Variants in BCAS3 observed in about 807,000 individuals in gnomAD.
BCAS3 encodes BCAS4/BCAS3 fusion.
In BCAS3, 53 loss-of-function variants were observed where a neutral mutation model predicts 116.1. The observed-to-expected ratio is 0.46, with a 90% CI of 0.37 to 0.57. BCAS3 has a LOEUF of 0.57. BCAS3 is among the 20% of genes least tolerant of loss of function. The pLI is 0.00. For missense variants in BCAS3, 917 were observed against 1,165.4 expected (o/e 0.79, Z 3.10); for synonymous variants, 391 against 408.2 (o/e 0.96, Z 0.51).
At chr17:61,341,462 A>G (rs1406194775) in intron 22 of BCAS3, among the ~76,000 whole-genome samples, 1 of 152,146 alleles carries the variant, frequency 6.6e-6, no homozygotes, top group Admixed American at 6.5e-5. Flanking sequence ...TAACCCTTCA[A>G]GTGGAGAGGC....
intron 22 of BCAS3, among the ~76,000 whole-genome samples, chr17:61,266,352 A>G (rs2049712167): frequency 6.6e-6 from 1 of 152,260 alleles, no homozygotes; most frequent in Admixed American, 6.5e-5. Context: ...ATTAGTGGAC[A>G]GAGAAAACGG....
At chr17:61,049,658 G>C (rs2068656960) in intron 19 of BCAS3, among the ~76,000 whole-genome samples, 1 of 150,516 alleles carries the variant, frequency 6.6e-6, no homozygotes, top group Non-Finnish European at 1.5e-5. Flanking sequence ...CTTAAAAGCA[G>C]CCAGAGGAAA....
At chr17:60,925,998 T>C (rs1049138084) in intron 13 of BCAS3, among the ~76,000 whole-genome samples, 4 of 152,206 alleles carry the variant, frequency 2.6e-5, no homozygotes, top group African/African-American at 9.7e-5. Flanking sequence ...AGTGATTTTG[T>C]GCATGAAACA....
Position 61,188,186 on chromosome 17 carries a change from C to T in BCAS3, c.2425+103622C>T, listed in dbSNP as rs1239699663. 6.6e-6 allele frequency among the ~76,000 whole-genome samples: 1 copy of T among 152,176 alleles called. No homozygotes were observed. Among genetic ancestry groups the T allele is most frequent in the East Asian group, 1.9e-4 (1 of 5,198 alleles). On this transcript the variant is annotated intron_variant, in intron 22 of 23. Coordinates refer to ENST00000407086, the MANE Select transcript of BCAS3 (RefSeq NM_017679.5). This position sits in a 1 kb window ranked among gnomAD's most constrained non-coding sequence, Gnocchi z 4.0. ...TAAAACAATCTCTCCTTGCTATTCT[C>T]GCTATTGAACAGTCTCCAACTCTTA...
At chr17:60,768,785 G>T (rs2044361020) in intron 6 of BCAS3, among the ~76,000 whole-genome samples, 1 of 152,150 alleles carries the variant, frequency 6.6e-6, no homozygotes, top group Non-Finnish European at 1.5e-5. Context: ...TTCTGCTCCA[G>T]GATGGCTTGC....
chr17:60,852,944 G>C (rs955149389), intron 7 of BCAS3, among the ~76,000 whole-genome samples: 4 of 152,138 alleles, frequency 2.6e-5, no homozygotes, highest in African/African-American at 9.7e-5. Context: ...GCCCTCCTTG[G>C]TGTTTACTCG....
At chr17:60,729,985 C>T (rs975392930) in intron 5 of BCAS3, among the ~76,000 whole-genome samples, 1 of 152,288 alleles carries the variant, frequency 6.6e-6, no homozygotes, top group East Asian at 1.9e-4. Context: ...AACATCTACC[C>T]TGAGTAAGAT....
In BCAS3 at chr17:61,229,468, T is replaced by G. The variant is rs1308378302; in HGVS notation, c.2426-138859T>G. 1.3e-5 allele frequency among the ~76,000 whole-genome samples: 2 copies of G among 152,248 alleles called. No homozygotes were observed. ...CGATGTAGACAGAACAGCCTTCTATTGGAAGAAGATGCCATCTAGGACTTT... is the reference window on the plus strand; with the variant it reads ...CGATGTAGACAGAACAGCCTTCTATGGGAAGAAGATGCCATCTAGGACTTT... On this transcript the variant is annotated intron_variant, in intron 22 of 23. Coordinates refer to ENST00000407086, the MANE Select transcript of BCAS3 (RefSeq NM_017679.5). The surrounding 1 kb of genome is among the most constrained non-coding windows in gnomAD (Gnocchi z 4.4).
rs2078222134 is a variant in BCAS3 at position 61,162,436 on chromosome 17, T to C, written c.2425+77872T>C. Among the ~76,000 whole-genome samples the C allele has an allele frequency of 6.6e-6, 1 of 152,216 alleles. No individual in the cohort carries two copies. Among genetic ancestry groups the C allele is most frequent in the Non-Finnish European group, 1.5e-5 (1 of 68,044 alleles). ...CCTCTACAAGAATATTCTCACACCA[T>C]AGATATAGAGAAAGGACAGGTATAT... On this transcript the variant is annotated intron_variant, in intron 22 of 23. Coordinates refer to ENST00000407086, the MANE Select transcript of BCAS3 (RefSeq NM_017679.5). The surrounding 1 kb of genome is among the most constrained non-coding windows in gnomAD (Gnocchi z 5.6).
At chr17:61,176,138 C>CAAAAAAA (rs534042215) in intron 22 of BCAS3, among the ~76,000 whole-genome samples, 186 of 49,154 alleles carry the variant, frequency 3.8e-3, no homozygotes, top group Non-Finnish European at 4.1e-3. Context: ...GACCCTATCT[C>CAAAAAAA]AAAAAAAAAA....
intron 23 of BCAS3, among the ~76,000 whole-genome samples, chr17:61,382,588 G>A (rs1484289661): frequency 1.3e-5 from 2 of 151,768 alleles, no homozygotes; most frequent in African/African-American, 2.4e-5. Context: ...CCCAGAAGGC[G>A]GAGGTTGCAG....
chr17:61,268,577 T>A lies in BCAS3; in HGVS notation c.2426-99750T>A, dbSNP rs371826897. Among the ~76,000 whole-genome samples the A allele has an allele frequency of 2.1e-4, 32 of 151,448 alleles. 1 individual carries two copies. The South Asian group carries it at 6.7e-3, about 32-fold the overall frequency. ...CCCCACCAGTAATTGTCTTTCTGGG[T>A]TTTTTTTGTTTTTTTTGTTTTTTGA... On this transcript the variant is annotated intron_variant, in intron 22 of 23. Transcript: ENST00000407086.
chr17:60,876,771 C>T (rs1337422389), intron 9 of BCAS3, among the ~76,000 whole-genome samples: 1 of 152,074 alleles, frequency 6.6e-6, no homozygotes, highest in Non-Finnish European at 1.5e-5. Flanking sequence ...ATCTTGTATA[C>T]ATTTTCTATC....
At chr17:60,690,381 G>T (rs1037152500) in intron 4 of BCAS3, among the ~76,000 whole-genome samples, 1 of 151,772 alleles carries the variant, frequency 6.6e-6, no homozygotes, top group African/African-American at 2.4e-5. Flanking sequence ...ACCTGCCTGG[G>T]CAACATAGCG....
At position 60,915,928 on chromosome 17, in the gene BCAS3, C is replaced by T. The variant is rs577895757; in HGVS notation, c.993+5226C>T. ...TCAATCTCCTGACCTCGTGATCTGC[C>T]CACCTCAGCCTCCCAAAGGGCTGGA... On this transcript the variant is annotated intron_variant, in intron 12 of 23. Transcript: ENST00000407086. 2.0e-5 allele frequency among the ~76,000 whole-genome samples: 3 copies of T among 152,122 alleles called. No individual in the cohort carries two copies. The East Asian group carries it at 5.8e-4, about 29-fold the overall frequency.
intron 22 of BCAS3, among the ~76,000 whole-genome samples, chr17:61,108,946 A>G (rs1217483496): frequency 6.6e-6 from 1 of 152,076 alleles, no homozygotes; most frequent in Non-Finnish European, 1.5e-5. Flanking sequence ...CCGGCACTTT[A>G]GGTGGCTGAG....
At chr17:60,781,538 T>G (rs2045834579) in intron 6 of BCAS3, among the ~76,000 whole-genome samples, 1 of 152,018 alleles carries the variant, frequency 6.6e-6, no homozygotes, top group African/African-American at 2.4e-5. Context: ...GGCAGAGGTT[T>G]CAGTGAGCTA....
In BCAS3 at chr17:61,285,231, T is replaced by TTGTGTGTGTGTGTG. The variant is rs371178241; in HGVS notation, c.2426-83082_2426-83069dup. On this transcript the variant is annotated intron_variant, in intron 22 of 23. Transcript: ENST00000407086. This position sits in a 1 kb window ranked among gnomAD's most constrained non-coding sequence, Gnocchi z 5.4. ...GTTTTGCTTTTCCCCTCCTCCTAGG[T>TTGTGTGTGTGTGTG]TGTGTGTGTGTGTGTGTGTGTGTGT... Among the ~76,000 whole-genome samples, 2,388 of 140,048 alleles carry TTGTGTGTGTGTGTG rather than the reference T, an allele frequency of 0.017. 43 individuals carry two copies. Among genetic ancestry groups the TTGTGTGTGTGTGTG allele is most frequent in the African/African-American group, 0.057 (1,883 of 32,922 alleles). 91.9% of individuals were successfully genotyped at this position (140,048 alleles called of 152,430 possible). A position where few individuals can be genotyped will look rare whatever the true frequency, so the allele number is the denominator to read the frequency against.
intron 5 of BCAS3, among the ~76,000 whole-genome samples, chr17:60,710,234 A>G (rs541491031): frequency 6.6e-6 from 1 of 152,236 alleles, no homozygotes; most frequent in East Asian, 1.9e-4. Flanking sequence ...CCCCATGAGT[A>G]TGTGTGTATG....
Sources: allele counts gnomAD v4.1 joint callset (sites outside exome capture counted in the v4.1 genomes callset), GRCh38; gene constraint gnomAD v4.1.1; non-coding constraint Gnocchi (gnomAD v3.1); transcripts MANE v1.5; gene names NCBI Gene and HGNC (gene_info 2026-07-23, HGNC 2026-07-21).